SGCD: variants seen among roughly 807,000 people sequenced by gnomAD.
The protein encoded by SGCD is delta-sarcoglycan.
SGCD carries 18 observed loss-of-function variants against 36.6 expected under a neutral mutation model. That is an observed-to-expected ratio of 0.49 (90% CI 0.34 to 0.73). SGCD has a LOEUF of 0.73. SGCD is among the 30% of genes least tolerant of loss of function. The pLI, the probability that SGCD is intolerant of heterozygous loss-of-function variation, is 0.01. For synonymous variants in SGCD, 133 were observed against 130.6 expected, an observed-to-expected ratio of 1.02 and a Z score of -0.12; for missense variants, 387 against 346.7, an observed-to-expected ratio of 1.12 and a Z score of -0.92.
At chr5:155,750,699 A>T in the SGCD span, among the ~76,000 whole-genome samples, 402 of 152,318 alleles carry the variant, frequency 2.6e-3, no homozygotes, top group Middle Eastern at 0.01. Context: ...ATGTTTGAGC[A>T]GTTAGGGATC....
intron 1 of SGCD, among the ~76,000 whole-genome samples, chr5:155,987,539 G>T (rs1037000992): frequency 1.3e-5 from 2 of 152,158 alleles, no homozygotes; most frequent in Admixed American, 6.5e-5. Context: ...TCACTGCCTT[G>T]CTTACAATCT....
the SGCD span, among the ~76,000 whole-genome samples, chr5:155,785,755 A>C: frequency 6.6e-6 from 1 of 152,222 alleles, no homozygotes; most frequent in African/African-American, 2.4e-5. Flanking sequence ...CTTTGTCACC[A>C]GTCTCTTTAA....
chr5:155,942,302 G>T (rs562712543), intron 1 of SGCD, among the ~76,000 whole-genome samples: 1 of 122,510 alleles, frequency 8.2e-6, no homozygotes, highest in African/African-American at 3.0e-5. Flanking sequence ...ACGCATGTAT[G>T]TATGTATGTA....
intron 3 of SGCD, among the ~76,000 whole-genome samples, chr5:156,317,948 A>G (rs1431479912): frequency 1.3e-5 from 2 of 152,192 alleles, no homozygotes; most frequent in Non-Finnish European, 2.9e-5. Flanking sequence ...ACCCTTGCCA[A>G]TTCATTATTC....
At chr5:156,737,791 T>C (rs979060276) in intron 7 of SGCD, among the ~76,000 whole-genome samples, 2 of 152,150 alleles carry the variant, frequency 1.3e-5, no homozygotes, top group Admixed American at 1.3e-4. Flanking sequence ...CTAAGAAACA[T>C]GAAGTGTGTT....
chr5:155,752,614 C>T, the SGCD span, among the ~76,000 whole-genome samples: 28 of 152,128 alleles, frequency 1.8e-4, no homozygotes, highest in African/African-American at 6.5e-4. Flanking sequence ...TTCCTAACCC[C>T]CATAGGACCA....
intron 3 of SGCD, among the ~76,000 whole-genome samples, chr5:156,290,111 T>C (rs1348370808): frequency 1.3e-5 from 2 of 152,138 alleles, no homozygotes; most frequent in Non-Finnish European, 2.9e-5. Context: ...AGCAAACACT[T>C]AGTGCTAGGT....
At chr5:156,202,863 C>A (rs1764185796) in intron 3 of SGCD, among the ~76,000 whole-genome samples, 1 of 149,982 alleles carries the variant, frequency 6.7e-6, no homozygotes, top group South Asian at 2.1e-4. Flanking sequence ...CCTCTTGTGA[C>A]ATAACAGTGT....
intron 7 of SGCD, among the ~76,000 whole-genome samples, chr5:156,655,812 T>G (rs78859974): frequency 1.3e-4 from 20 of 150,972 alleles, no homozygotes; most frequent in Admixed American, 4.0e-4. Context: ...TTATTCACTG[T>G]TTTTTTTTCC....
the SGCD span, among the ~76,000 whole-genome samples, chr5:155,797,124 A>G: frequency 1.3e-5 from 2 of 152,160 alleles, no homozygotes; most frequent in African/African-American, 4.8e-5. Context: ...TGAAAACTGA[A>G]AAGTACAATT....
chr5:156,185,439 C>T (rs186921476), intron 3 of SGCD, among the ~76,000 whole-genome samples: 11 of 152,000 alleles, frequency 7.2e-5, no homozygotes, highest in Non-Finnish European at 1.5e-4. Flanking sequence ...TGGTCTCGAT[C>T]TCCTGACCTT....
At chr5:156,361,845 T>C (rs1769809619) in intron 3 of SGCD, among the ~76,000 whole-genome samples, 2 of 152,246 alleles carry the variant, frequency 1.3e-5, no homozygotes, top group South Asian at 4.1e-4. Flanking sequence ...AAATAATTAT[T>C]GGTTGTGATG....
chr5:155,823,521 C>G, the SGCD span, among the ~76,000 whole-genome samples: 1 of 152,112 alleles, frequency 6.6e-6, no homozygotes, highest in Non-Finnish European at 1.5e-5. Flanking sequence ...CCCCATGACC[C>G]AGACAAATGG....
At chr5:155,974,754 C>A (rs1002756170) in intron 1 of SGCD, among the ~76,000 whole-genome samples, 13 of 152,056 alleles carry the variant, frequency 8.5e-5, no homozygotes, top group Non-Finnish European at 1.2e-4. Context: ...CATGTCAGAG[C>A]TTGCCTGGTT....
chr5:156,102,428 C>T (rs762696333), intron 1 of SGCD, among the ~76,000 whole-genome samples: 155 of 152,080 alleles, frequency 1.0e-3, no homozygotes, highest in Middle Eastern at 3.4e-3. Context: ...TAGTTGATTA[C>T]CTAGAATTTT....
At position 155,878,303 on chromosome 5, in the gene SGCD, C is replaced by T. The variant is rs1282831841; in HGVS notation, c.-282+7879C>T. ...TCATAGACTTAGCTCTTAGGCTTAA[C>T]TCTCTTTCCATTTTTCCTCTCTACC... On this transcript the variant is annotated intron_variant, in intron 1 of 9. Coordinates refer to the SGCD transcript ENST00000517913. 2.6e-5 allele frequency among the ~76,000 whole-genome samples: 4 copies of T among 152,122 alleles called. No individual in the cohort carries two copies. The East Asian group carries it at 7.7e-4, about 29-fold the overall frequency.
chr5:155,745,193 G>A, the SGCD span, among the ~76,000 whole-genome samples: 2 of 152,140 alleles, frequency 1.3e-5, no homozygotes, highest in Non-Finnish European at 2.9e-5. Flanking sequence ...GAAACTTGTA[G>A]AGACTGCACT....
chr5:156,412,096 G>C (rs939910955), intron 3 of SGCD, among the ~76,000 whole-genome samples: 15 of 152,156 alleles, frequency 9.9e-5, no homozygotes, highest in Admixed American at 9.8e-4. Flanking sequence ...TAGAATGTTT[G>C]TTCCATCTTT....
At chr5:156,667,509 C>T (rs189362670) in intron 7 of SGCD, among the ~76,000 whole-genome samples, 1 of 152,286 alleles carries the variant, frequency 6.6e-6, no homozygotes, top group East Asian at 1.9e-4. Flanking sequence ...ATTATTTGGT[C>T]ATAAGCACAA....
Sources: allele counts gnomAD v4.1 joint callset (sites outside exome capture counted in the v4.1 genomes callset), GRCh38; gene constraint gnomAD v4.1.1; transcripts MANE v1.5; gene names NCBI Gene and HGNC (gene_info 2026-07-23, HGNC 2026-07-21).